Variants in ANKRD35 observed in about 807,000 individuals in gnomAD.
ANKRD35 encodes the protein ankyrin repeat domain 35.
Under a neutral mutation model 109.9 loss-of-function variants are expected in ANKRD35, and 102 were observed. That is an observed-to-expected ratio of 0.93 (90% CI 0.79 to 1.09). The LOEUF is 1.09. Among genes scored for constraint, ANKRD35 ranks in the 50% least tolerant of loss-of-function variants. The probability of loss-of-function intolerance (pLI) is 0.00; values close to 1 mark genes in which losing one functional copy is unlikely to be tolerated. For synonymous variants in ANKRD35, 515 were observed against 512.4 expected, an observed-to-expected ratio of 1.01 and a Z score of -0.07; for missense variants, 1,240 against 1,230.1, an observed-to-expected ratio of 1.01 and a Z score of -0.12.
intron 1 of ANKRD35, 101 bp downstream of exon 1, chr1:145,885,619 A>C: frequency 7.3e-7 from 1 of 1,368,044 alleles, no homozygotes; most frequent in Middle Eastern, 1.8e-4. Flanking sequence ...AGAAAGACTG[A>C]TAAAAAGAAA....
chr1:145,868,018 G>A lies in ANKRD35; in HGVS notation c.2916C>T (p.Tyr972=), dbSNP rs1553738004. 3.7e-6 allele frequency: 6 copies of A among 1,614,152 alleles called. No individual in the cohort carries two copies. Among genetic ancestry groups the A allele is most frequent in the South Asian group, 3.3e-5 (3 of 91,082 alleles). The change falls in exon 12 of 14, where the codon TAC becomes TAT. Residue 972 remains tyrosine (Y), a synonymous_variant. Transcript: ENST00000355594. ...QKNHEEIIST[Y]RNHLLNAARG... is the part of the protein sequence containing the mutation. ...GAGCAGCATTCAGTAGATGATTCCTGTAGGTGGAGATGATCTCTTCATGGT... is the reference window on the plus strand; with the variant it reads ...GAGCAGCATTCAGTAGATGATTCCTATAGGTGGAGATGATCTCTTCATGGT...
At chr1:145,883,257 G>C (rs1654360489) in intron 1 of ANKRD35, among the ~76,000 whole-genome samples, 1 of 151,900 alleles carries the variant, frequency 6.6e-6, no homozygotes, top group Non-Finnish European at 1.5e-5. Flanking sequence ...GCTAATTTTT[G>C]TATTTTTAGT....
At chr1:145,883,720 C>T (rs1553741496) in intron 1 of ANKRD35, among the ~76,000 whole-genome samples, 1 of 152,220 alleles carries the variant, frequency 6.6e-6, no homozygotes, top group Non-Finnish European at 1.5e-5. Flanking sequence ...TGCCACACTA[C>T]TTCTCTGACA....
chr1:145,883,376 C>T (rs112250521), intron 1 of ANKRD35, among the ~76,000 whole-genome samples: 6,117 of 152,254 alleles, frequency 0.04, 448 homozygotes, highest in African/African-American at 0.14. Context: ...TGAGCCACTG[C>T]GCCCAGATGA....
chr1:145,867,917 G>A (rs1421847326), intron 12 of ANKRD35, 74 bp downstream of exon 12: 1 of 1,437,380 alleles, frequency 7.0e-7, no homozygotes, highest in East Asian at 2.3e-5. Flanking sequence ...CTGGAGAAGA[G>A]AGAGGGACCC....
chr1:145,872,317 T>C lies in ANKRD35; in HGVS notation c.2452A>G (p.Thr818Ala), dbSNP rs782403557. 1 of 1,613,066 alleles carries C rather than the reference T, an allele frequency of 6.2e-7. No individual in the cohort carries two copies. The highest frequency in any genetic ancestry group is 2.2e-5 in the East Asian group (1 of 44,866). Residue 818 changes from threonine to alanine, a missense_variant, in exon 10 of 14, where the codon ACA (threonine) becomes GCA (alanine). Physicochemically the swap from Thr to Ala is moderately conservative, Grantham distance 58. Coordinates refer to ENST00000355594, the MANE Select transcript of ANKRD35 (RefSeq NM_144698.5). ...GKLKQLLYQA[T>A]EEVAELRARE... ...GCCCTTAGCTCAGCCACTTCCTCTGTGGCTTGGTAGAGCAGCTGCTTCAGC... is the reference window on the plus strand; with the variant it reads ...GCCCTTAGCTCAGCCACTTCCTCTGCGGCTTGGTAGAGCAGCTGCTTCAGC...
chr1:145,872,833 G>C lies in ANKRD35; in HGVS notation c.1936C>G (p.Gln646Glu), dbSNP rs1653892403. 6.2e-7 allele frequency: 1 copy of C among 1,613,972 alleles called. No individual in the cohort carries two copies. Among genetic ancestry groups the C allele is most frequent in the African/African-American group, 1.3e-5 (1 of 74,936 alleles). Residue 646 changes from glutamine (Q) to glutamate (E), a missense_variant, in exon 10 of 14, where the codon CAG becomes GAG. Coordinates refer to ENST00000355594, the MANE Select transcript of ANKRD35 (RefSeq NM_144698.5). ...RERQRLQREL[Q>E]SLSQRLQREF... ...CGCTGCAGCCGCTGGCTCAGGGACT[G>C]TAGCTCCCTCTGCAACCTCTGCCGC...
rs1653884647 is a variant in ANKRD35, at chr1:145,872,670, C to T, written c.2099G>A (p.Gly700Asp). 1 of 1,614,150 alleles carries T rather than the reference C, an allele frequency of 6.2e-7. No individual in the cohort carries two copies. The highest frequency in any genetic ancestry group is 1.1e-5 in the South Asian group (1 of 91,084). The part of the protein sequence containing the change: ...LRKLLASQSS[G>D]LRGLWDCLPA... ...CAGGCAGTCCCACAGCCCTCGGAGA[C>T]CGCTGCTCTGGGAGGCCAGGAGCTT... The change falls in exon 10 of 14, where the codon GGT (glycine) becomes GAT (aspartate). Residue 700 changes from glycine (G) to aspartate (D), a missense_variant. Transcript: ENST00000355594.
intron 10 of ANKRD35, 109 bp downstream of exon 10, chr1:145,871,873 T>C: frequency 7.3e-7 from 1 of 1,376,186 alleles, no homozygotes; most frequent in Admixed American, 2.1e-5. Context: ...CCGTTTGGGG[T>C]ATTAATCTGA....
rs782305714 is a variant in ANKRD35, at chr1:145,876,262, G to T, written c.454-16C>A. ...TACGTCCATCCTGCACAGATTGTAG[G>T]AAGAGGTTCATGAGCAGCCAGGGAC... is the stretch of plus-strand genomic sequence containing the variant. On this transcript the variant is annotated splice_polypyrimidine_tract_variant and intron_variant, in intron 6 of 13. Coordinates refer to ENST00000355594, the MANE Select transcript of ANKRD35 (RefSeq NM_144698.5). 6.2e-7 allele frequency: 1 copy of T among 1,603,254 alleles called. No homozygotes were observed. Among genetic ancestry groups the T allele is most frequent in the East Asian group, 2.2e-5 (1 of 44,582 alleles).
chr1:145,874,682 A>T, intron 8 of ANKRD35, 140 bp downstream of exon 8: 1 of 1,088,076 alleles, frequency 9.2e-7, no homozygotes, highest in Non-Finnish European at 1.2e-6. Flanking sequence ...GGGTCCTCTC[A>T]CAGTAGCAGC....
At chr1:145,877,000 A>C (rs1315630997) in intron 4 of ANKRD35, 127 bp from the exon 5 acceptor site, 2 of 895,380 alleles carry the variant, frequency 2.2e-6, no homozygotes, top group Non-Finnish European at 1.8e-6. Context: ...GGAGAAGGCT[A>C]TCTACTAGGC....
chr1:145,878,176 C>T, intron 3 of ANKRD35, 144 bp from the exon 4 acceptor site: 1 of 944,300 alleles, frequency 1.1e-6, no homozygotes, highest in East Asian at 2.5e-5. Context: ...ATTCCTGTTC[C>T]CCAAGTGCCT....
intron 12 of ANKRD35, among the ~76,000 whole-genome samples, 171 bp from the exon 13 acceptor site, chr1:145,867,563 A>G (rs1553737922): frequency 6.6e-6 from 1 of 152,148 alleles, no homozygotes; most frequent in Non-Finnish European, 1.5e-5. Context: ...GAAGATAATG[A>G]TGTCTACTTT....
chr1:145,868,017 T>C lies in ANKRD35; in HGVS notation c.2917A>G (p.Arg973Gly). The C allele has an allele frequency of 6.2e-7, 1 of 1,614,184 alleles. No homozygotes were observed. Among genetic ancestry groups the C allele is most frequent in the Non-Finnish European group, 8.5e-7 (1 of 1,180,020 alleles). ...KNHEEIISTY[R>G]NHLLNAARGY... Reference sequence around the variant, plus strand: ...CGAGCAGCATTCAGTAGATGATTCCTGTAGGTGGAGATGATCTCTTCATGG... The same window carrying C: ...CGAGCAGCATTCAGTAGATGATTCCCGTAGGTGGAGATGATCTCTTCATGG... The change falls in exon 12 of 14, where the codon AGG (arginine) becomes GGG (glycine). Residue 973 changes from arginine to glycine, a missense_variant. Transcript: ENST00000355594.
At chr1:145,871,410 GC>G (rs1175400423) in intron 10 of ANKRD35, among the ~76,000 whole-genome samples, 5 of 151,962 alleles carry the variant, frequency 3.3e-5, no homozygotes, top group Admixed American at 2.0e-4. Context: ...TGATCCACCC[GC>G]CTCGGCATCC....
chr1:145,881,102 A>G (rs1393188914), intron 1 of ANKRD35, among the ~76,000 whole-genome samples: 17 of 152,236 alleles, frequency 1.1e-4, no homozygotes, highest in African/African-American at 4.1e-4. Flanking sequence ...CTTGGCCAAC[A>G]TGGTGAAACC....
In ANKRD35 at chr1:145,874,969, C is replaced by T. The variant is rs368812717; in HGVS notation, c.598G>A (p.Glu200Lys). The T allele has an allele frequency of 3.4e-5, 55 of 1,611,910 alleles. No homozygotes were observed. Among genetic ancestry groups the T allele is most frequent in the South Asian group, 3.2e-4 (29 of 90,608 alleles). The change falls in exon 8 of 14, where the codon GAG (glutamate) becomes AAG (lysine). Residue 200 changes from glutamate to lysine, a missense_variant. Coordinates refer to ENST00000355594, the MANE Select transcript of ANKRD35 (RefSeq NM_144698.5). ...TGGCTCAGGAGCAGTTCAGCCACCT[C>T]GGCACTGCCTTTCTCACAGGCCAGG... ...LILACEKGSA[E>K]VAELLLSHGA...
rs782679028 is a variant in ANKRD35, at chr1:145,879,362, C to A, written c.66G>T (p.Gln22His). The A allele has an allele frequency of 5.5e-5, 87 of 1,595,994 alleles. No homozygotes were observed. Among genetic ancestry groups the A allele is most frequent in the Non-Finnish European group, 7.1e-5 (83 of 1,171,340 alleles). The change falls in exon 2 of 14, where the codon CAG (glutamine) becomes CAT (histidine). Residue 22 changes from glutamine to histidine, a missense_variant. Gln to His is a conservative substitution (Grantham distance 24). Coordinates refer to ENST00000355594, the MANE Select transcript of ANKRD35 (RefSeq NM_144698.5). ...VAVERWNRHD[Q>H]KLLEAVHRGD... ...CCCTGTGCACTGCCTCCAGCAGCTT[C>A]TGATCATGGCGGTTCCATCTCTCCA...
Sources: gnomAD v4.1 joint callset for allele counts (sites outside exome capture counted in the v4.1 genomes callset) on GRCh38, gnomAD v4.1.1 for gene constraint, MANE v1.5 for transcripts, NCBI Gene and HGNC (gene_info 2026-07-23, HGNC 2026-07-21) for gene names.